The following SLC29A4 variants were observed in gnomAD, a reference collection of about 807,000 sequenced individuals.
The protein encoded by SLC29A4 is solute carrier family 29 member 4, also known as equilibrative nucleoside transporter 4.
Under a neutral mutation model 43.9 loss-of-function variants are expected in SLC29A4, and 36 were observed. The observed-to-expected ratio is 0.82, with a 90% CI of 0.63 to 1.08. The LOEUF is 1.08. SLC29A4 is among the 50% of genes least tolerant of loss of function. The pLI, the probability that SLC29A4 is intolerant of heterozygous loss-of-function variation, is 0.00. For synonymous variants in SLC29A4, 491 were observed against 338.0 expected (o/e 1.45, Z -4.97); for missense variants, 869 against 755.3 (o/e 1.15, Z -1.77).
Position 5,290,599 on chromosome 7 carries a change from CAG to C in SLC29A4, c.170-130_170-129del, listed in dbSNP as rs1189501443. The C allele has an allele frequency of 4.1e-6, 5 of 1,213,744 alleles. No homozygotes were observed. In the African/African-American group the frequency reaches 6.1e-5, roughly 15 times the overall value. The allele number at this position is 1,213,744 out of a possible 1,614,324, so 75.2% of individuals were successfully genotyped here. A position where few individuals can be genotyped will look rare whatever the true frequency, so the allele number is the denominator to read the frequency against. On this transcript the variant is annotated intron_variant, in intron 2 of 10. Transcript: ENST00000396872. ...GGCCAGATGACAGAGGTATCTGGAA[CAG>C]AGGGGAGCAGGGGTCACGGTGATGG... is the stretch of plus-strand genomic sequence containing the variant.
chr7:5,300,782 C>G, intron 10 of SLC29A4, 120 bp downstream of exon 10: 1 of 1,366,738 alleles, frequency 7.3e-7, no homozygotes, highest in East Asian at 2.5e-5. Flanking sequence ...TCAGAACAGT[C>G]AGTGTCTGGG....
chr7:5,302,031 A>G (rs910976613), intron 10 of SLC29A4, among the ~76,000 whole-genome samples: 2 of 151,996 alleles, frequency 1.3e-5, no homozygotes, highest in African/African-American at 4.8e-5. Flanking sequence ...GCTCACTGCA[A>G]CCTCTGCCTC....
intron 5 of SLC29A4, among the ~76,000 whole-genome samples, chr7:5,294,554 C>T (rs1374651006): frequency 3.3e-5 from 5 of 152,150 alleles, no homozygotes; most frequent in Non-Finnish European, 7.3e-5. Flanking sequence ...AACACATGGC[C>T]TCTCCTGTCC....
rs1583669056 is a variant in SLC29A4, at chr7:5,296,863, G to C, written c.620-73G>C. On this transcript the variant is annotated intron_variant, in intron 6 of 10. Coordinates refer to ENST00000396872, the MANE Select transcript of SLC29A4 (RefSeq NM_153247.4). ...GGTGGGGAGGGGTCTGTGTGTGGAC[G>C]GGGCTGGGGCGGGACGGGGCGGTGC... The C allele has an allele frequency of 6.2e-6, 9 of 1,449,648 alleles. No individual in the cohort carries two copies. In the South Asian group the frequency reaches 7.0e-5, roughly 11 times the overall value. The allele number at this position is 1,449,648 out of a possible 1,614,324, so 89.8% of individuals were successfully genotyped here. A position where few individuals can be genotyped will look rare whatever the true frequency, so the allele number is the denominator to read the frequency against.
rs1786040277 is a variant in SLC29A4 at position 5,300,207 on chromosome 7, G to A, written c.1210-215G>A. Among the ~76,000 whole-genome samples the A allele has an allele frequency of 2.0e-5, 3 of 152,304 alleles. No individual in the cohort carries two copies. In the South Asian group the frequency reaches 6.2e-4, roughly 32 times the overall value. On this transcript the variant is annotated intron_variant, in intron 9 of 10. Transcript: ENST00000396872. Reference sequence around the variant, plus strand: ...CCATCGTGTCACTGCACTCCAGCTTGGGGGATAGACCGATACACTGACTCT... The same window carrying A: ...CCATCGTGTCACTGCACTCCAGCTTAGGGGATAGACCGATACACTGACTCT...
At chr7:5,297,250 C>T (rs1408471301) in intron 7 of SLC29A4, 52 bp downstream of exon 7, 4 of 1,479,690 alleles carry the variant, frequency 2.7e-6, no homozygotes, top group Admixed American at 2.3e-5. Flanking sequence ...TTCTCTGTCC[C>T]CACCGCTTCG....
At chr7:5,300,081 A>T (rs1354394729) in intron 9 of SLC29A4, among the ~76,000 whole-genome samples, 1 of 151,814 alleles carries the variant, frequency 6.6e-6, no homozygotes, top group Non-Finnish European at 1.5e-5. Context: ...CAAAAAAATC[A>T]CTCAGCCAGC....
In SLC29A4 at chr7:5,290,986, C is replaced by G. The variant is rs113532570; in HGVS notation, c.301+123C>G. The G allele has an allele frequency of 1.1e-3, 1,730 of 1,526,332 alleles. 22 individuals carry two copies. The African/African-American group carries it at 0.02, about 18-fold the overall frequency. 94.5% of individuals were successfully genotyped at this position (1,526,332 alleles called of 1,614,324 possible). A position where few individuals can be genotyped will look rare whatever the true frequency, so the allele number is the denominator to read the frequency against. The stretch of plus-strand genomic sequence containing the variant: ...CTGTTTTATTCAGATCTCGGCTCCA[C>G]TGTGAGCTGCTGAGTGACCTCAGGG... On this transcript the variant is annotated intron_variant, in intron 3 of 10. Coordinates refer to ENST00000396872, the MANE Select transcript of SLC29A4 (RefSeq NM_153247.4).
chr7:5,302,700 C>T (rs568736503), intron 10 of SLC29A4, 97 bp from the exon 11 acceptor site: 54 of 1,263,016 alleles, frequency 4.3e-5, no homozygotes, highest in Admixed American at 1.6e-4. Flanking sequence ...AGGGGCGGCA[C>T]GGTTCAGGCG....
intron 10 of SLC29A4, among the ~76,000 whole-genome samples, chr7:5,301,095 C>G (rs1786128512): frequency 6.6e-6 from 1 of 152,040 alleles, no homozygotes; most frequent in South Asian, 2.1e-4. Context: ...CCTCTCCTCT[C>G]TACAAAAATG....
chr7:5,285,316 C>T (rs1396851191), intron 1 of SLC29A4, among the ~76,000 whole-genome samples: 1 of 148,464 alleles, frequency 6.7e-6, no homozygotes, highest in Admixed American at 6.7e-5. Flanking sequence ...CCAGGGCTGA[C>T]GAGGGGCAGT....
intron 2 of SLC29A4, 121 bp from the exon 3 acceptor site, chr7:5,290,611 G>C: frequency 7.6e-7 from 1 of 1,315,782 alleles, no homozygotes; most frequent in African/African-American, 1.5e-5. Flanking sequence ...GAGGGGAGCA[G>C]GGGTCACGGT....
chr7:5,306,486 C>T lies in SLC29A4; in HGVS notation c.*3547C>T, dbSNP rs375735518. On this transcript the variant is annotated 3_prime_UTR_variant, in exon 11 of 11. Coordinates refer to ENST00000396872, the MANE Select transcript of SLC29A4 (RefSeq NM_153247.4). ...CTGGGATTACAGGCACGCTCTACCACACCTGGCTAATTTTTTTTTGTATTT... is the reference window on the plus strand; with the variant it reads ...CTGGGATTACAGGCACGCTCTACCATACCTGGCTAATTTTTTTTTGTATTT... 6.6e-6 allele frequency: 1 copy of T among 152,038 alleles called. No individual in the cohort carries two copies. The highest frequency in any genetic ancestry group is 2.4e-5 in the African/African-American group (1 of 41,370). The allele number at this position is 152,038 out of a possible 1,614,324, so 9.4% of individuals were successfully genotyped here.
chr7:5,287,859 G>A lies in SLC29A4; in HGVS notation c.43G>A (p.Ala15Thr), dbSNP rs1785056127. 2 of 1,611,884 alleles carry A rather than the reference G, an allele frequency of 1.2e-6. No homozygotes were observed. The highest frequency in any genetic ancestry group is 1.7e-6 in the Non-Finnish European group (2 of 1,179,842). ...CCAGCGCCTTGAGGAGCCCAGCGTGGCAGGCACACCAGACCCGGGCGTAGT... is the reference window on the plus strand; with the variant it reads ...CCAGCGCCTTGAGGAGCCCAGCGTGACAGGCACACCAGACCCGGGCGTAGT... ...GSQRLEEPSV[A>T]GTPDPGVVMS... The change falls in exon 2 of 11, where the codon GCA (alanine) becomes ACA (threonine). Residue 15 changes from alanine (A) to threonine (T), a missense_variant. Transcript: ENST00000396872.
chr7:5,287,758 G>C (rs1583649143), intron 1 of SLC29A4, 51 bp from the exon 2 acceptor site: 1 of 1,568,960 alleles, frequency 6.4e-7, no homozygotes. Context: ...ATGAGCCATG[G>C]ATCCCTCAGC....
chr7:5,291,252 G>T lies in SLC29A4; in HGVS notation c.415+15G>T, dbSNP rs1221592825. On this transcript the variant is annotated intron_variant, in intron 4 of 10. Coordinates refer to ENST00000396872, the MANE Select transcript of SLC29A4 (RefSeq NM_153247.4). Reference sequence around the variant, plus strand: ...GATCACCGCAGGTGCGCTGGGCCCCGCCACGGGACACCTGCCTGTCATGGC... The same window carrying T: ...GATCACCGCAGGTGCGCTGGGCCCCTCCACGGGACACCTGCCTGTCATGGC... The T allele has an allele frequency of 1.2e-6, 2 of 1,605,748 alleles. No homozygotes were observed. The highest frequency in any genetic ancestry group is 1.7e-6 in the Non-Finnish European group (2 of 1,176,568).
In SLC29A4 at chr7:5,303,938, C is replaced by G. The variant is rs1266138729; in HGVS notation, c.*999C>G. On this transcript the variant is annotated 3_prime_UTR_variant, in exon 11 of 11. Transcript: ENST00000396872. ...ACGGTGTTTCCAGGGGGAGGACCGC[C>G]CCCGCTTCCAGATCCCCGGCCCCGG... The G allele has an allele frequency of 6.6e-6, 1 of 152,584 alleles. No individual in the cohort carries two copies. The highest frequency in any genetic ancestry group is 6.5e-5 in the Admixed American group (1 of 15,286). 9.5% of individuals were successfully genotyped at this position (152,584 alleles called of 1,614,324 possible). A position where few individuals can be genotyped will look rare whatever the true frequency, so the allele number is the denominator to read the frequency against.
At position 5,296,987 on chromosome 7, in the gene SLC29A4, T is replaced by TGCC. The variant is rs748657234; in HGVS notation, c.672_674dup (p.Pro225dup). Reference sequence around the variant, plus strand: ...AGCCGCATCCTCACGAAGCTGCTGCTGCCCGACGAGCGCGCCAGCACGCTC... The same window carrying TGCC: ...AGCCGCATCCTCACGAAGCTGCTGCTGCCGCCCGACGAGCGCGCCAGCACGCTC... On this transcript the variant is annotated inframe_insertion, in exon 7 of 11. Coordinates refer to ENST00000396872, the MANE Select transcript of SLC29A4 (RefSeq NM_153247.4). The TGCC allele has an allele frequency of 4.4e-6, 7 of 1,602,910 alleles. No individual in the cohort carries two copies. The South Asian group carries it at 7.7e-5, about 18-fold the overall frequency.
rs1005239565 is a variant in SLC29A4, at chr7:5,295,826, G to A, written c.619+892G>A. Among the ~76,000 whole-genome samples, 21 of 147,208 alleles carry A rather than the reference G, an allele frequency of 1.4e-4. 1 individual carries two copies. Among genetic ancestry groups the A allele is most frequent in the Non-Finnish European group, 2.6e-4 (17 of 66,006 alleles). On this transcript the variant is annotated intron_variant, in intron 6 of 10. Transcript: ENST00000396872. ...GGCAGGTAGATTTTGTGGTGTGGCC[G>A]AGCGAGAGAGGGTGCAGAATTGTGC... is the stretch of plus-strand genomic sequence containing the variant.
Sources: allele counts gnomAD v4.1 joint callset (sites outside exome capture counted in the v4.1 genomes callset), GRCh38; gene constraint gnomAD v4.1.1; transcripts MANE v1.5; gene names NCBI Gene and HGNC (gene_info 2026-07-23, HGNC 2026-07-21).